Variants in TUBD1 observed in about 807,000 individuals in gnomAD.
TUBD1 encodes tubulin delta 1.
A neutral mutation model predicts 51.2 loss-of-function variants in TUBD1; 38 were observed. The observed-to-expected ratio is 0.74, with a 90% CI of 0.57 to 0.97. The LOEUF is 0.97. Among genes scored for constraint, TUBD1 ranks in the 50% least tolerant of loss-of-function variants. The pLI is 0.00. For missense variants in TUBD1, 489 were observed against 538.4 expected (o/e 0.91, Z 0.91); for synonymous variants, 169 against 178.2 (o/e 0.95, Z 0.41).
chr17:59,889,189 T>G lies in TUBD1; in HGVS notation c.172+1642A>C, dbSNP rs183639081. Among the ~76,000 whole-genome samples, 48 of 150,670 alleles carry G rather than the reference T, an allele frequency of 3.2e-4. No individual in the cohort carries two copies. The East Asian group carries it at 9.4e-3, about 29-fold the overall frequency. ...CCACCATGTCCGGCTAATTTTTGTA[T>G]TTTTAGTCGAGACGGGGTTTTACCC... On this transcript the variant is annotated intron_variant, in intron 2 of 8. Transcript: ENST00000325752.
At chr17:59,892,411 A>G (rs1323077980) in intron 1 of TUBD1, among the ~76,000 whole-genome samples, 1 of 152,176 alleles carries the variant, frequency 6.6e-6, no homozygotes. Context: ...GAAACATTAG[A>G]GCAGTTCCTC....
chr17:59,885,964 T>C (rs2040701484), intron 3 of TUBD1, 119 bp downstream of exon 3: 8 of 1,158,252 alleles, frequency 6.9e-6, no homozygotes, highest in Non-Finnish European at 8.4e-6. Context: ...ATTCTAAATC[T>C]AAAACAGCAA....
chr17:59,879,351 T>C (rs1442163035), intron 4 of TUBD1, among the ~76,000 whole-genome samples: 1 of 151,604 alleles, frequency 6.6e-6, no homozygotes, highest in East Asian at 1.9e-4. Context: ...GCACCATGAA[T>C]CCCAACATGA....
chr17:59,886,422 A>T, intron 2 of TUBD1, 192 bp from the exon 3 acceptor site: 1 of 571,154 alleles, frequency 1.8e-6, no homozygotes, highest in Non-Finnish European at 3.0e-6. Flanking sequence ...ATGTTCACCA[A>T]GCCCAGCATT....
At chr17:59,879,885 T>C (rs1182024030) in intron 4 of TUBD1, among the ~76,000 whole-genome samples, 6 of 151,958 alleles carry the variant, frequency 3.9e-5, no homozygotes, top group African/African-American at 1.5e-4. Context: ...TCCAGGTACC[T>C]GGGACTACAG....
intron 3 of TUBD1, among the ~76,000 whole-genome samples, chr17:59,881,725 G>A (rs913821971): frequency 2.0e-5 from 3 of 151,714 alleles, no homozygotes; most frequent in African/African-American, 7.3e-5. Flanking sequence ...CACCAGGGCT[G>A]GAGTACAATG....
chr17:59,876,414 G>A (rs2040228543), intron 5 of TUBD1, among the ~76,000 whole-genome samples: 1 of 143,226 alleles, frequency 7.0e-6, no homozygotes, highest in Non-Finnish European at 1.5e-5. Flanking sequence ...GGAGTGCATT[G>A]CATGACCTCA....
chr17:59,868,423 C>T (rs67892093), intron 6 of TUBD1, among the ~76,000 whole-genome samples: 20,831 of 150,656 alleles, frequency 0.14, 1,621 homozygotes, highest in Middle Eastern at 0.2. Flanking sequence ...AGGCCAGGCG[C>T]GGTGGCTCAT....
In TUBD1 at chr17:59,881,105, G is replaced by A. The variant is rs753054138; in HGVS notation, c.326C>T (p.Ser109Phe). ...GSGNNWAYGYSVHGPRHEESI... is the reference protein window; with the variant it reads ...GSGNNWAYGYFVHGPRHEESI... ...TTCTTCATGCCTGGGTCCATGAACA[G>A]AGTAACTATGCAATGGCAAAAGAAA... is the stretch of plus-strand genomic sequence containing the variant. The change falls in exon 4 of 9, where the codon TCT becomes TTT. Residue 109 changes from serine (S) to phenylalanine (F), a missense_variant. Transcript: ENST00000325752. 6.2e-7 allele frequency: 1 copy of A among 1,611,932 alleles called. No homozygotes were observed. The highest frequency in any genetic ancestry group is 1.7e-5 in the Admixed American group (1 of 59,934).
intron 3 of TUBD1, 45 bp downstream of exon 3, chr17:59,886,038 T>C (rs1421944603): frequency 1.9e-6 from 3 of 1,600,078 alleles, no homozygotes; most frequent in Non-Finnish European, 2.6e-6. Flanking sequence ...ATTAATTGAC[T>C]GTGTAGCTGT....
intron 2 of TUBD1, among the ~76,000 whole-genome samples, chr17:59,886,877 C>T (rs921958985): frequency 2.0e-5 from 3 of 151,266 alleles, no homozygotes; most frequent in African/African-American, 7.3e-5. Context: ...ATGGTGAAAT[C>T]CCGATCCTAC....
At position 59,881,037 on chromosome 17, in the gene TUBD1, A is replaced by G. The variant is rs2040462525; in HGVS notation, c.394T>C (p.Ser132Pro). ...ATTATGATGAAAAAACCACTGAAAGAGTCACATTTCTCCACTTCCTTCCGG... is the reference window on the plus strand; with the variant it reads ...ATTATGATGAAAAAACCACTGAAAGGGTCACATTTCTCCACTTCCTTCCGG... Reference protein sequence around the residue: ...IIRKEVEKCDSFSGFFIIMSM... With the variant: ...IIRKEVEKCDPFSGFFIIMSM... The change falls in exon 4 of 9, where the codon TCT becomes CCT. Residue 132 changes from serine to proline, a missense_variant. Transcript: ENST00000325752. 1 of 1,614,172 alleles carries G rather than the reference A, an allele frequency of 6.2e-7. No homozygotes were observed.
intron 2 of TUBD1, 164 bp from the exon 3 acceptor site, chr17:59,886,394 A>G (rs1598572817): frequency 1.5e-6 from 1 of 682,804 alleles, no homozygotes; most frequent in South Asian, 2.2e-5. Flanking sequence ...CTCAGTGGGC[A>G]GCAGCAGGCA....
intron 2 of TUBD1, among the ~76,000 whole-genome samples, chr17:59,887,239 G>T (rs1349671663): frequency 3.3e-5 from 5 of 152,014 alleles, no homozygotes; most frequent in African/African-American, 1.2e-4. Context: ...AGACTTGGTG[G>T]CGTGTGCCTG....
chr17:59,860,140 C>G lies in TUBD1; in HGVS notation c.*182G>C, dbSNP rs2039371480. The G allele has an allele frequency of 2.2e-6, 1 of 446,308 alleles. No individual in the cohort carries two copies. Among genetic ancestry groups the G allele is most frequent in the Admixed American group, 4.0e-5 (1 of 24,726 alleles). The allele number at this position is 446,308 out of a possible 1,614,324, so 27.6% of individuals were successfully genotyped here. ...ACGTCATTCTCCTGCCTCAGCCTCCCGAGTAGCTGGGACTACAGGCACCCG... is the reference window on the plus strand; with the variant it reads ...ACGTCATTCTCCTGCCTCAGCCTCCGGAGTAGCTGGGACTACAGGCACCCG... On this transcript the variant is annotated 3_prime_UTR_variant, in exon 9 of 9. Transcript: ENST00000325752.
At chr17:59,885,131 G>T (rs1207227911) in intron 3 of TUBD1, 5 of 350,214 alleles carry the variant, frequency 1.4e-5, no homozygotes, top group Non-Finnish European at 2.8e-5. Context: ...TGCTCTCAGG[G>T]TCCTATCCTA....
At chr17:59,860,536 A>G in intron 8 of TUBD1, 112 bp from the exon 9 acceptor site, 1 of 672,804 alleles carries the variant, frequency 1.5e-6, no homozygotes, top group Non-Finnish European at 2.5e-6. Flanking sequence ...TGAAGATCAC[A>G]CAATCGTTCA....
chr17:59,867,141 TG>T (rs1022674548), intron 6 of TUBD1, among the ~76,000 whole-genome samples: 4 of 150,250 alleles, frequency 2.7e-5, no homozygotes, highest in African/African-American at 9.8e-5. Flanking sequence ...AGGAGAAAAA[TG>T]GTCTTGTGGT....
intron 2 of TUBD1, among the ~76,000 whole-genome samples, chr17:59,888,738 CT>C (rs1235497569): frequency 7.0e-6 from 1 of 143,474 alleles, no homozygotes; most frequent in Admixed American, 7.0e-5. Flanking sequence ...TTTTTTTTTT[CT>C]TTTTTGAGAC....
Sources: gnomAD v4.1 joint callset for allele counts (sites outside exome capture counted in the v4.1 genomes callset) on GRCh38, gnomAD v4.1.1 for gene constraint, MANE v1.5 for transcripts, NCBI Gene and HGNC (gene_info 2026-07-23, HGNC 2026-07-21) for gene names.